The following CYFIP2 variants were observed in gnomAD, a reference collection of about 807,000 sequenced individuals.
CYFIP2 encodes the protein cytoplasmic FMR1-interacting protein 2.
Under a neutral mutation model 158.7 loss-of-function variants are expected in CYFIP2, and 29 were observed. That is an observed-to-expected ratio of 0.18 (90% CI 0.14 to 0.25). The LOEUF (loss-of-function observed/expected upper bound fraction) is 0.25, where lower values mean the gene tolerates loss of function less well. Ranked by LOEUF, CYFIP2 falls within the 10% of genes least tolerant of loss-of-function variation. The pLI is 1.00. For synonymous variants in CYFIP2, 585 were observed against 617.6 expected, an observed-to-expected ratio of 0.95 and a Z score of 0.78; for missense variants, 852 against 1,639.5, an observed-to-expected ratio of 0.52 and a Z score of 8.29.
chr5:157,332,020 T>G (rs927363561), intron 20 of CYFIP2, among the ~76,000 whole-genome samples: 1 of 152,198 alleles, frequency 6.6e-6, no homozygotes, highest in African/African-American at 2.4e-5. Flanking sequence ...CTTTTAAATT[T>G]TCCCTCATGA....
chr5:157,376,999 C>A, intron 26 of CYFIP2: 1 of 413,624 alleles, frequency 2.4e-6, no homozygotes, highest in Non-Finnish European at 4.9e-6. Context: ...CATACAGGTG[C>A]CCTGGGCAGG....
At chr5:157,330,679 C>A in intron 19 of CYFIP2, 63 bp from the exon 20 acceptor site, 1 of 1,238,694 alleles carries the variant, frequency 8.1e-7, no homozygotes, top group East Asian at 2.3e-5. Flanking sequence ...ATAGATGTAT[C>A]TGGGCAGTTG....
In CYFIP2 at chr5:157,361,288, A is replaced by C; in HGVS notation, c.2909-180A>C. ...AAAAAGACATGAGCCAGCTACTCGA[A>C]CTTTGTCCAGTACTGAGCCCTGAAA... On this transcript the variant is annotated intron_variant, in intron 25 of 30. Transcript: ENST00000620254. The surrounding 1 kb of genome is among the most constrained non-coding windows in gnomAD (Gnocchi z 4.4). 1 of 654,036 alleles carries C rather than the reference A, an allele frequency of 1.5e-6. No individual in the cohort carries two copies. The highest frequency in any genetic ancestry group is 2.6e-6 in the Non-Finnish European group (1 of 390,870). The allele number at this position is 654,036 out of a possible 1,614,324, so 40.5% of individuals were successfully genotyped here.
intron 9 of CYFIP2, among the ~76,000 whole-genome samples, chr5:157,308,710 C>T (rs1186347740): frequency 6.6e-6 from 1 of 152,142 alleles, no homozygotes; most frequent in Non-Finnish European, 1.5e-5. Flanking sequence ...AATCCTGTGC[C>T]TTGGCTTTGC....
chr5:157,273,225 T>C (rs1425211814), intron 1 of CYFIP2, among the ~76,000 whole-genome samples: 1 of 152,130 alleles, frequency 6.6e-6, no homozygotes, highest in Non-Finnish European at 1.5e-5. Flanking sequence ...TCCCTTGTCT[T>C]CTCAGGAAGT....
intron 24 of CYFIP2, 66 bp downstream of exon 24, chr5:157,359,214 T>C (rs1763628681): frequency 6.3e-7 from 1 of 1,590,368 alleles, no homozygotes; most frequent in Non-Finnish European, 8.6e-7. Context: ...AAAGTTTGCT[T>C]TTACTTTTTA....
At chr5:157,356,300 C>T (rs946862426) in intron 23 of CYFIP2, among the ~76,000 whole-genome samples, 1 of 152,076 alleles carries the variant, frequency 6.6e-6, no homozygotes, top group Non-Finnish European at 1.5e-5. Flanking sequence ...CTGATGAGGG[C>T]ACTGATCCCA....
intron 24 of CYFIP2, among the ~76,000 whole-genome samples, chr5:157,359,437 G>T (rs908589641): frequency 6.6e-6 from 1 of 152,136 alleles, no homozygotes; most frequent in Non-Finnish European, 1.5e-5. Flanking sequence ...GTCCTTCAGC[G>T]CTTGCCACTG....
At chr5:157,308,351 CCCTTACCTCTGGATAGAATG>C (rs1231842002) in intron 9 of CYFIP2, among the ~76,000 whole-genome samples, 1 of 152,160 alleles carries the variant, frequency 6.6e-6, no homozygotes, top group Non-Finnish European at 1.5e-5. Context: ...CCTCAGCTTG[CCCTTACCTCTGGATAGAATG>C]CCTCAGCAAC....
chr5:157,355,366 ATAATAT>A (rs1402340635), intron 23 of CYFIP2, among the ~76,000 whole-genome samples: 1 of 152,234 alleles, frequency 6.6e-6, no homozygotes, highest in Non-Finnish European at 1.5e-5. Context: ...ATCAAACAAA[ATAATAT>A]TAATGGCTAT....
At chr5:157,373,781 T>C (rs1765212944) in intron 26 of CYFIP2, among the ~76,000 whole-genome samples, 1 of 152,292 alleles carries the variant, frequency 6.6e-6, no homozygotes, top group Middle Eastern at 3.4e-3. Flanking sequence ...AACTGGGCAG[T>C]TCAAACTCTG....
chr5:157,320,622 A>T, intron 14 of CYFIP2, 33 bp from the exon 15 acceptor site: 2 of 1,613,306 alleles, frequency 1.2e-6, no homozygotes, highest in Non-Finnish European at 1.7e-6. Context: ...CCATGGTGAA[A>T]CCTGGTCTAA....
chr5:157,328,814 G>A (rs1761229110), intron 19 of CYFIP2, among the ~76,000 whole-genome samples: 2 of 152,118 alleles, frequency 1.3e-5, no homozygotes, highest in Non-Finnish European at 2.9e-5. Context: ...CAGACAGGAG[G>A]CCAGTGAAGA....
chr5:157,367,767 T>TG (rs1764542501), intron 26 of CYFIP2, among the ~76,000 whole-genome samples: 1 of 149,830 alleles, frequency 6.7e-6, no homozygotes, highest in African/African-American at 2.5e-5. Context: ...TTTTTTTTTT[T>TG]TTTTTAAGAC....
chr5:157,339,137 C>A lies in CYFIP2; in HGVS notation c.2466C>A (p.Ala822=). 1 of 1,614,042 alleles carries A rather than the reference C, an allele frequency of 6.2e-7. No homozygotes were observed. Among genetic ancestry groups the A allele is most frequent in the Non-Finnish European group, 8.5e-7 (1 of 1,179,898 alleles). The part of the protein sequence containing the change: ...CKHMTLDSFD[A]MFREANHNVS... ...ATATGACGCTGGACAGCTTCGATGCCATGTTCCGAGAGGCCAATCACAATG... is the reference window on the plus strand; with the variant it reads ...ATATGACGCTGGACAGCTTCGATGCAATGTTCCGAGAGGCCAATCACAATG... Residue 822 remains alanine (A), a synonymous_variant, in exon 22 of 31, where the codon GCC becomes GCA. Coordinates refer to ENST00000620254, the MANE Select transcript of CYFIP2 (RefSeq NM_001037333.3).
At chr5:157,350,074 G>A (rs1430139753) in intron 23 of CYFIP2, among the ~76,000 whole-genome samples, 1 of 152,188 alleles carries the variant, frequency 6.6e-6, no homozygotes, top group Non-Finnish European at 1.5e-5. Context: ...CACTCTGTGG[G>A]TTGTCTGTTT....
intron 27 of CYFIP2, 65 bp downstream of exon 27, chr5:157,382,727 T>G (rs554363025): frequency 6.7e-7 from 1 of 1,491,072 alleles, no homozygotes; most frequent in East Asian, 2.3e-5. Context: ...ACTTCCTAAT[T>G]GCAGTCAACT....
chr5:157,328,727 T>G (rs969243919), intron 19 of CYFIP2, among the ~76,000 whole-genome samples: 1 of 152,238 alleles, frequency 6.6e-6, no homozygotes, highest in African/African-American at 2.4e-5. Flanking sequence ...TCGATTTTTA[T>G]TTACTTTTGA....
At chr5:157,299,909 C>G (rs1484335617) in intron 5 of CYFIP2, among the ~76,000 whole-genome samples, 1 of 152,060 alleles carries the variant, frequency 6.6e-6, no homozygotes, top group East Asian at 1.9e-4. Context: ...CAAAACAAAA[C>G]AAAACAAAAC....
Sources: gnomAD v4.1 joint callset for allele counts (sites outside exome capture counted in the v4.1 genomes callset) on GRCh38, gnomAD v4.1.1 for gene constraint, Gnocchi (gnomAD v3.1) non-coding constraint, MANE v1.5 for transcripts, NCBI Gene and HGNC (gene_info 2026-07-23, HGNC 2026-07-21) for gene names.